Variants in LMBR1 observed in about 807,000 individuals in gnomAD.
LMBR1 encodes limb region 1 protein homolog.
LMBR1 carries 52 observed loss-of-function variants against 73.9 expected under a neutral mutation model. The observed-to-expected ratio is 0.70, with a 90% CI of 0.56 to 0.89. LMBR1 has a LOEUF of 0.89. Among genes scored for constraint, LMBR1 ranks in the 40% least tolerant of loss-of-function variants. The pLI is 0.00. For synonymous variants in LMBR1, 215 were observed against 209.4 expected (o/e 1.03, Z -0.23); for missense variants, 539 against 579.8 (o/e 0.93, Z 0.72).
At chr7:156,774,236 A>G (rs375025792) in intron 5 of LMBR1, among the ~76,000 whole-genome samples, 6 of 152,244 alleles carry the variant, frequency 3.9e-5, no homozygotes, top group African/African-American at 1.4e-4. Flanking sequence ...GAGGTTGCAG[A>G]GAAAAGGGAA....
chr7:156,812,437 A>C (rs911512138), intron 4 of LMBR1, among the ~76,000 whole-genome samples: 1 of 152,162 alleles, frequency 6.6e-6, no homozygotes, highest in Non-Finnish European at 1.5e-5. Context: ...GAAAAACTTG[A>C]CCCACCTTTG....
intron 16 of LMBR1, among the ~76,000 whole-genome samples, chr7:156,687,054 C>A (rs1416396056): frequency 1.3e-5 from 2 of 152,192 alleles, no homozygotes; most frequent in Non-Finnish European, 2.9e-5. Flanking sequence ...CATCTGAAAT[C>A]TTTTGTGCCT....
At chr7:156,700,964 T>C (rs930705723) in intron 15 of LMBR1, among the ~76,000 whole-genome samples, 1 of 152,174 alleles carries the variant, frequency 6.6e-6, no homozygotes, top group African/African-American at 2.4e-5. Flanking sequence ...ACTTCTTACA[T>C]GGCAGCAGCA....
chr7:156,676,621 G>C, downstream of LMBR1: 1 of 1,613,940 alleles, frequency 6.2e-7, no homozygotes, highest in Non-Finnish European at 8.5e-7. Context: ...CCTCTCTGCC[G>C]CTCCTGCTAC....
intron 15 of LMBR1, among the ~76,000 whole-genome samples, chr7:156,713,220 G>T (rs1315004958): frequency 1.3e-5 from 2 of 152,256 alleles, no homozygotes; most frequent in Non-Finnish European, 2.9e-5. Context: ...AAGATTAGTG[G>T]CTGCCGGGGG....
intron 15 of LMBR1, among the ~76,000 whole-genome samples, chr7:156,688,450 G>A (rs1014110076): frequency 2.0e-5 from 3 of 152,032 alleles, no homozygotes; most frequent in African/African-American, 7.3e-5. Context: ...AACGCCCCTC[G>A]ACATTCGACG....
chr7:156,754,064 C>CA (rs1199553224), intron 9 of LMBR1, among the ~76,000 whole-genome samples: 1 of 151,882 alleles, frequency 6.6e-6, no homozygotes, highest in Non-Finnish European at 1.5e-5. Context: ...CCGTAATAAG[C>CA]AAAAAAGGAA....
chr7:156,763,706 G>A lies in LMBR1; in HGVS notation c.513C>T (p.Leu171=). The change falls in exon 6 of 17, where the codon CTC becomes CTT. Residue 171 remains leucine (L), a synonymous_variant. Transcript: ENST00000353442. ...CCATGCTTGCGGCATCGTTGTCAAT[G>A]AGTGCTGAAGCTACCCACACTATCC... ...ILGIVWVASA[L]IDNDAASMES... 1.9e-6 allele frequency: 3 copies of A among 1,596,532 alleles called. No individual in the cohort carries two copies. The highest frequency in any genetic ancestry group is 1.4e-5 in the African/African-American group (1 of 73,888).
At chr7:156,784,626 A>G in intron 5 of LMBR1, among the ~76,000 whole-genome samples, 1 of 152,228 alleles carries the variant, frequency 6.6e-6, no homozygotes, top group Non-Finnish European at 1.5e-5. Flanking sequence ...GAGCGCAGAC[A>G]ATCAAAAATC....
intron 9 of LMBR1, among the ~76,000 whole-genome samples, chr7:156,753,339 T>C (rs185599077): frequency 9.2e-5 from 14 of 152,086 alleles, no homozygotes; most frequent in African/African-American, 3.4e-4. Context: ...TAGGTCATGG[T>C]CTGATGACAT....
At chr7:156,809,304 AT>A (rs1832686786) in intron 4 of LMBR1, among the ~76,000 whole-genome samples, 1 of 152,154 alleles carries the variant, frequency 6.6e-6, no homozygotes, top group Non-Finnish European at 1.5e-5. Flanking sequence ...GTTTTGAAAA[AT>A]ATTTTCACTG....
At position 156,683,981 on chromosome 7, in the gene LMBR1, G is replaced by C; in HGVS notation, c.*97C>G. The C allele has an allele frequency of 1.0e-6, 1 of 979,622 alleles. No individual in the cohort carries two copies. The highest frequency in any genetic ancestry group is 2.4e-5 in the East Asian group (1 of 41,870). The allele number at this position is 979,622 out of a possible 1,614,324, so 60.7% of individuals were successfully genotyped here. A position where few individuals can be genotyped will look rare whatever the true frequency, so the allele number is the denominator to read the frequency against. On this transcript the variant is annotated 3_prime_UTR_variant, in exon 17 of 17. Transcript: ENST00000353442. ...CTGATAGGTCTAGGTTCTGAAGAGGGGCCACGGTTGAATGGAAATGCTTCT... is the reference window on the plus strand; with the variant it reads ...CTGATAGGTCTAGGTTCTGAAGAGGCGCCACGGTTGAATGGAAATGCTTCT...
intron 8 of LMBR1, among the ~76,000 whole-genome samples, chr7:156,759,813 G>A (rs890276054): frequency 2.0e-5 from 3 of 152,220 alleles, no homozygotes; most frequent in Non-Finnish European, 4.4e-5. Flanking sequence ...CACCTGCACA[G>A]GGGAGGGGAA....
At chr7:156,676,798 G>C (rs188025853), downstream of LMBR1, 10 of 644,412 alleles carry the variant, frequency 1.6e-5, no homozygotes, top group Non-Finnish European at 2.1e-5. Flanking sequence ...GGAAATCTTA[G>C]TATATTTTAA....
intron 3 of LMBR1, among the ~76,000 whole-genome samples, chr7:156,832,283 T>A (rs1836827909): frequency 6.6e-6 from 1 of 152,224 alleles, no homozygotes; most frequent in Non-Finnish European, 1.5e-5. Context: ...AGTCAAGTCA[T>A]TTATTAGCTG....
At chr7:156,739,006 G>A (rs1818408197) in intron 9 of LMBR1, among the ~76,000 whole-genome samples, 3 of 152,154 alleles carry the variant, frequency 2.0e-5, no homozygotes, top group Non-Finnish European at 4.4e-5. Context: ...CAGTGGGGTA[G>A]AGTATCAGGT....
intron 5 of LMBR1, among the ~76,000 whole-genome samples, chr7:156,772,033 TG>T (rs1257629237): frequency 6.6e-6 from 1 of 152,124 alleles, no homozygotes; most frequent in Non-Finnish European, 1.5e-5. Flanking sequence ...CCCAGCACTT[TG>T]GGAGGCTGAG....
intron 15 of LMBR1, among the ~76,000 whole-genome samples, chr7:156,723,039 T>C (rs1249161953): frequency 1.3e-5 from 2 of 152,126 alleles, no homozygotes; most frequent in African/African-American, 4.8e-5. Flanking sequence ...AAGATTCACA[T>C]AAGCAGATGT....
At chr7:156,887,943 A>G (rs1046235080) in intron 1 of LMBR1, among the ~76,000 whole-genome samples, 5 of 152,252 alleles carry the variant, frequency 3.3e-5, no homozygotes, top group African/African-American at 1.2e-4. Context: ...AGGGAAATGC[A>G]AATCAAATCC....
Sources: gnomAD v4.1 joint callset for allele counts (sites outside exome capture counted in the v4.1 genomes callset) on GRCh38, gnomAD v4.1.1 for gene constraint, MANE v1.5 for transcripts, NCBI Gene and HGNC (gene_info 2026-07-23, HGNC 2026-07-21) for gene names.